Variants in SNED1 observed in about 807,000 individuals in gnomAD.
SNED1 encodes sushi, nidogen and EGF like domains 1.
Under a neutral mutation model 166.7 loss-of-function variants are expected in SNED1, and 81 were observed. The observed-to-expected ratio is 0.49, with a 90% CI of 0.41 to 0.58. The LOEUF (loss-of-function observed/expected upper bound fraction) is 0.58. Ranked by LOEUF, SNED1 falls within the 20% of genes least tolerant of loss-of-function variation. SNED1 has a pLI of 0.00. For missense variants in SNED1, 1,604 were observed against 2,000.2 expected, an observed-to-expected ratio of 0.80 and a Z score of 3.78; for synonymous variants, 762 against 822.0, an observed-to-expected ratio of 0.93 and a Z score of 1.25.
At chr2:241,060,390 C>T (rs1321687081) in intron 16 of SNED1, among the ~76,000 whole-genome samples, 1 of 152,132 alleles carries the variant, frequency 6.6e-6, no homozygotes, top group African/African-American at 2.4e-5. Flanking sequence ...ACCATGTTGG[C>T]CAGGCTGGTC....
intron 24 of SNED1, among the ~76,000 whole-genome samples, chr2:241,071,120 C>T (rs563727211): frequency 4.6e-5 from 7 of 152,250 alleles, no homozygotes; most frequent in Non-Finnish European, 7.4e-5. Flanking sequence ...GGCTGAAGGA[C>T]GCTGTTAGGG....
At chr2:241,023,243 C>T (rs769127821) in intron 1 of SNED1, among the ~76,000 whole-genome samples, 1 of 152,150 alleles carries the variant, frequency 6.6e-6, no homozygotes, top group Non-Finnish European at 1.5e-5. Context: ...TGAAGTTCTG[C>T]TTTCTTCACA....
chr2:241,036,160 G>A (rs2061363093), intron 4 of SNED1, among the ~76,000 whole-genome samples: 1 of 151,520 alleles, frequency 6.6e-6, no homozygotes, highest in Non-Finnish European at 1.5e-5. Flanking sequence ...ATGGGAAGAG[G>A]AAAGATGCAG....
intron 1 of SNED1, among the ~76,000 whole-genome samples, chr2:241,025,477 A>G (rs2060931189): frequency 6.6e-6 from 1 of 152,186 alleles, no homozygotes; most frequent in Non-Finnish European, 1.5e-5. Flanking sequence ...GAACACTTCA[A>G]CATGATTTGT....
Position 241,037,221 on chromosome 2 carries a change from A to T in SNED1, c.932-19A>T. On this transcript the variant is annotated intron_variant, in intron 5 of 31. Coordinates refer to ENST00000310397, the MANE Select transcript of SNED1 (RefSeq NM_001080437.3). Reference sequence around the variant, plus strand: ...TCCGGGTTCCCGCCGCTGAGGCCTCAGCCTGCCCCATGTTTCAGACGTGAA... The same window carrying T: ...TCCGGGTTCCCGCCGCTGAGGCCTCTGCCTGCCCCATGTTTCAGACGTGAA... 6.3e-7 allele frequency: 1 copy of T among 1,588,318 alleles called. No individual in the cohort carries two copies. The highest frequency in any genetic ancestry group is 1.1e-5 in the South Asian group (1 of 88,090).
chr2:241,007,653 A>G (rs890040526), intron 1 of SNED1, among the ~76,000 whole-genome samples: 3 of 152,140 alleles, frequency 2.0e-5, no homozygotes, highest in African/African-American at 7.2e-5. Context: ...TCTGTTTTCA[A>G]GGGTAGGGTT....
At chr2:241,056,580 ATTT>A (rs1172411061) in intron 16 of SNED1, among the ~76,000 whole-genome samples, 2 of 111,214 alleles carry the variant, frequency 1.8e-5, no homozygotes, top group African/African-American at 3.9e-5. Flanking sequence ...AATAAGTGAA[ATTT>A]TTTTTTTTTT....
rs772751362 is a variant in SNED1, at chr2:241,051,809, G to C, written c.1801G>C (p.Glu601Gln). The C allele has an allele frequency of 1.3e-6, 2 of 1,562,350 alleles. No homozygotes were observed. Among genetic ancestry groups the C allele is most frequent in the Non-Finnish European group, 8.7e-7 (1 of 1,154,090 alleles). The change falls in exon 13 of 32, where the codon GAG (glutamate) becomes CAG (glutamine). Residue 601 changes from glutamate (E) to glutamine (Q), a missense_variant. Coordinates refer to ENST00000310397, the MANE Select transcript of SNED1 (RefSeq NM_001080437.3). This position sits in a 1 kb window ranked among gnomAD's most constrained non-coding sequence, Gnocchi z 4.7. Reference sequence around the variant, plus strand: ...GGGCACGTGCAAGGAGGCGGGCGGCGAGTACCACTGCAGCTGCCCCTACCG... The same window carrying C: ...GGGCACGTGCAAGGAGGCGGGCGGCCAGTACCACTGCAGCTGCCCCTACCG... Reference protein sequence around the residue: ...NGGTCKEAGGEYHCSCPYRFT... With the variant: ...NGGTCKEAGGQYHCSCPYRFT...
intron 4 of SNED1, chr2:241,035,816 G>C (rs1478927280): frequency 7.1e-6 from 1 of 139,994 alleles, no homozygotes; most frequent in Non-Finnish European, 1.5e-5. Flanking sequence ...GGGGTAGATG[G>C]TGTGGGGATG....
At chr2:241,003,443 C>T (rs2060132178) in intron 1 of SNED1, among the ~76,000 whole-genome samples, 1 of 152,228 alleles carries the variant, frequency 6.6e-6, no homozygotes, top group South Asian at 2.1e-4. Flanking sequence ...GTGCCACATC[C>T]ACATGGTGGG....
chr2:241,014,681 T>C (rs982449155), intron 1 of SNED1, among the ~76,000 whole-genome samples: 3 of 152,324 alleles, frequency 2.0e-5, no homozygotes, highest in Admixed American at 2.0e-4. Context: ...TCTTTTCTCA[T>C]TCTGCACTCG....
At chr2:241,001,418 C>CA (rs1326528050) in intron 1 of SNED1, among the ~76,000 whole-genome samples, 1 of 152,204 alleles carries the variant, frequency 6.6e-6, no homozygotes, top group Non-Finnish European at 1.5e-5. Flanking sequence ...AGAAGGGACC[C>CA]ATTGTTTTGC....
intron 12 of SNED1, 194 bp downstream of exon 12, chr2:241,050,127 C>T (rs1375606678): frequency 4.7e-6 from 3 of 644,784 alleles, no homozygotes; most frequent in Middle Eastern, 2.5e-4. Flanking sequence ...TGATCTGCAC[C>T]AGTGCCAGGC....
rs767366559 is a variant in SNED1 at position 241,051,994 on chromosome 2, G to A, written c.1853-47G>A. ...CCCCAGCTCTGGGATGTTGGGGAAC[G>A]TGGGAGGGGCAGTGGGCTGTGACCC... On this transcript the variant is annotated intron_variant, in intron 13 of 31. Coordinates refer to ENST00000310397, the MANE Select transcript of SNED1 (RefSeq NM_001080437.3). The surrounding 1 kb of genome is among the most constrained non-coding windows in gnomAD (Gnocchi z 4.7). The A allele has an allele frequency of 5.7e-6, 9 of 1,566,240 alleles. No homozygotes were observed. The highest frequency in any genetic ancestry group is 5.2e-5 in the Admixed American group (3 of 58,224).
intron 1 of SNED1, chr2:241,015,694 G>A (rs2060559327): frequency 5.8e-6 from 1 of 172,236 alleles, no homozygotes; most frequent in African/African-American, 2.4e-5. Context: ...TCATAGCGGT[G>A]GTGTTGGTGC....
chr2:241,049,601 G>T (rs190146819), intron 11 of SNED1, among the ~76,000 whole-genome samples: 4 of 152,300 alleles, frequency 2.6e-5, no homozygotes, highest in Admixed American at 2.6e-4. Flanking sequence ...AAGACGGAAG[G>T]GTGAATTCTG....
Position 241,073,117 on chromosome 2 carries a change from C to G in SNED1, c.3818-149C>G. 1.6e-6 allele frequency: 1 copy of G among 610,226 alleles called. No individual in the cohort carries two copies. The highest frequency in any genetic ancestry group is 2.8e-5 in the East Asian group (1 of 35,950). 37.8% of individuals were successfully genotyped at this position (610,226 alleles called of 1,614,324 possible). On this transcript the variant is annotated intron_variant, in intron 26 of 31. Transcript: ENST00000310397. This position sits in a 1 kb window ranked among gnomAD's most constrained non-coding sequence, Gnocchi z 6.6. ...CCCTTCAGGGGAGGCAGCTCTGGGG[C>G]CGACAGGTGCTGGGGCCACGCAGGG... is the stretch of plus-strand genomic sequence containing the variant.
intron 1 of SNED1, among the ~76,000 whole-genome samples, chr2:241,014,415 G>A (rs374845437): frequency 6.6e-6 from 1 of 152,220 alleles, no homozygotes; most frequent in Non-Finnish European, 1.5e-5. Context: ...GGGATGTGCT[G>A]TGTGTGGATG....
In SNED1 at chr2:241,073,841, C is replaced by T. The variant is rs1443252036; in HGVS notation, c.3916+477C>T. On this transcript the variant is annotated intron_variant, in intron 27 of 31. Coordinates refer to ENST00000310397, the MANE Select transcript of SNED1 (RefSeq NM_001080437.3). This position sits in a 1 kb window ranked among gnomAD's most constrained non-coding sequence, Gnocchi z 6.6. ...AGGTTATGCAGGACCTGAACTGTCT[C>T]CTAGTCCGGGGCTCTGCCTCGTGAG... 1 of 206,696 alleles carries T rather than the reference C, an allele frequency of 4.8e-6. No homozygotes were observed. The highest frequency in any genetic ancestry group is 9.7e-6 in the Non-Finnish European group (1 of 103,446). 12.8% of individuals were successfully genotyped at this position (206,696 alleles called of 1,614,324 possible).
Sources: gnomAD v4.1 joint callset for allele counts (sites outside exome capture counted in the v4.1 genomes callset) on GRCh38, gnomAD v4.1.1 for gene constraint, Gnocchi (gnomAD v3.1) non-coding constraint, MANE v1.5 for transcripts, NCBI Gene and HGNC (gene_info 2026-07-23, HGNC 2026-07-21) for gene names.